Variants in TMEM132D observed in about 807,000 individuals in gnomAD.
TMEM132D encodes transmembrane protein 132D.
Under a neutral mutation model 62.3 loss-of-function variants are expected in TMEM132D, and 21 were observed. That is an observed-to-expected ratio of 0.34 (90% confidence interval 0.24 to 0.49). TMEM132D has a LOEUF of 0.49. TMEM132D is among the 20% of genes least tolerant of loss of function. The pLI, the probability that TMEM132D is intolerant of heterozygous loss-of-function variation, is 0.99. For missense variants in TMEM132D, 1,346 were observed against 1,402.8 expected, an observed-to-expected ratio of 0.96 and a Z score of 0.65; for synonymous variants, 621 against 575.6, an observed-to-expected ratio of 1.08 and a Z score of -1.13.
intron 4 of TMEM132D, among the ~76,000 whole-genome samples, chr12:129,310,594 T>C (rs1881949312): frequency 6.6e-6 from 1 of 152,212 alleles, no homozygotes; most frequent in Non-Finnish European, 1.5e-5. Context: ...ACTGAAATGC[T>C]TTAACAAAGA....
chr12:129,851,386 A>T (rs1213993768), intron 1 of TMEM132D, among the ~76,000 whole-genome samples: 1 of 152,214 alleles, frequency 6.6e-6, no homozygotes, highest in African/African-American at 2.4e-5. Flanking sequence ...CTACTATAAT[A>T]AATATTAAAT....
At chr12:129,200,912 C>T (rs572920792) in intron 5 of TMEM132D, among the ~76,000 whole-genome samples, 19 of 152,364 alleles carry the variant, frequency 1.2e-4, no homozygotes, top group Non-Finnish European at 1.5e-5. Context: ...CGAAATTACA[C>T]TCCTTCTCCT....
chr12:129,839,216 G>A (rs1013194610), intron 1 of TMEM132D, among the ~76,000 whole-genome samples: 4 of 138,520 alleles, frequency 2.9e-5, no homozygotes, highest in East Asian at 2.2e-4. Context: ...CGCAACCTTC[G>A]CCTCCTGGTT....
intron 3 of TMEM132D, among the ~76,000 whole-genome samples, chr12:129,470,246 C>T (rs1356973711): frequency 1.3e-5 from 2 of 152,318 alleles, no homozygotes; most frequent in South Asian, 2.1e-4. Flanking sequence ...ACTTCACAGA[C>T]AATTCCCCTG....
intron 1 of TMEM132D, among the ~76,000 whole-genome samples, chr12:129,712,370 C>T (rs759101172): frequency 2.6e-5 from 4 of 152,248 alleles, no homozygotes; most frequent in Non-Finnish European, 5.9e-5. Flanking sequence ...GTGATCTGCC[C>T]GCCTCAGCCT....
chr12:129,723,431 C>T (rs564954231), intron 1 of TMEM132D, among the ~76,000 whole-genome samples: 1 of 152,326 alleles, frequency 6.6e-6, no homozygotes, highest in South Asian at 2.1e-4. Context: ...GATGCATCAC[C>T]CAGGCCCTTT....
At chr12:129,817,868 A>ATG (rs146582102) in intron 1 of TMEM132D, among the ~76,000 whole-genome samples, 8 of 112,942 alleles carry the variant, frequency 7.1e-5, no homozygotes, top group South Asian at 3.1e-4. Flanking sequence ...TGTGAGGTGT[A>ATG]TGTGTGTGTG....
chr12:129,812,606 G>A (rs536593586), intron 1 of TMEM132D, among the ~76,000 whole-genome samples: 2 of 151,826 alleles, frequency 1.3e-5, no homozygotes, highest in East Asian at 3.9e-4. Flanking sequence ...CAGTCAAACG[G>A]ACAGTGTCTA....
chr12:129,853,251 G>A (rs1255212807), intron 1 of TMEM132D: 1 of 152,260 alleles, frequency 6.6e-6, no homozygotes, highest in African/African-American at 2.4e-5. Context: ...TTTAACTTCA[G>A]AAATCGATGA....
chr12:129,517,693 C>T (rs1875723186), intron 3 of TMEM132D, among the ~76,000 whole-genome samples: 1 of 152,218 alleles, frequency 6.6e-6, no homozygotes, highest in African/African-American at 2.4e-5. Flanking sequence ...ATTCAATCCA[C>T]ATCTTCTCGT....
chr12:129,173,231 A>G (rs1008677596), intron 5 of TMEM132D, among the ~76,000 whole-genome samples: 1 of 152,234 alleles, frequency 6.6e-6, no homozygotes, highest in African/African-American at 2.4e-5. Context: ...CAAATGCAAT[A>G]TCTTGGAAGC....
intron 1 of TMEM132D, among the ~76,000 whole-genome samples, chr12:129,760,323 CTT>C (rs71082753): frequency 4.2e-4 from 49 of 115,498 alleles, no homozygotes; most frequent in African/African-American, 1.7e-3. Context: ...AAGCCACTTT[CTT>C]TTTTTTTTTT....
At chr12:129,797,744 AAG>A (rs1279111625) in intron 1 of TMEM132D, among the ~76,000 whole-genome samples, 2 of 152,176 alleles carry the variant, frequency 1.3e-5, no homozygotes, top group African/African-American at 2.4e-5. Context: ...GATAACCTGG[AAG>A]AGGGCAGGCA....
chr12:129,265,060 T>C (rs1283248613), intron 4 of TMEM132D, among the ~76,000 whole-genome samples: 2 of 151,622 alleles, frequency 1.3e-5, no homozygotes, highest in Non-Finnish European at 2.9e-5. Context: ...CAATAACTTA[T>C]GGAAAAAAAA....
intron 3 of TMEM132D, among the ~76,000 whole-genome samples, chr12:129,519,935 G>A (rs1469653270): frequency 6.6e-6 from 1 of 152,010 alleles, no homozygotes. Context: ...AAGGTATCAA[G>A]GAAACAACCA....
intron 7 of TMEM132D, among the ~76,000 whole-genome samples, chr12:129,080,071 A>T (rs1206902932): frequency 6.6e-6 from 1 of 152,088 alleles, no homozygotes; most frequent in Non-Finnish European, 1.5e-5. Context: ...TATGGTAGGG[A>T]TTCAGGTCTT....
chr12:129,825,017 T>TTC (rs201250774), intron 1 of TMEM132D, among the ~76,000 whole-genome samples: 29,009 of 148,628 alleles, frequency 0.2, 3,324 homozygotes, highest in African/African-American at 0.33. Flanking sequence ...CAGTCTTTTT[T>TTC]TTTTTTTTTT....
chr12:129,394,511 C>G (rs1332609068), intron 3 of TMEM132D, among the ~76,000 whole-genome samples: 1 of 152,140 alleles, frequency 6.6e-6, no homozygotes, highest in Non-Finnish European at 1.5e-5. Context: ...TTCTTAGAAA[C>G]GATTGTGAGG....
intron 4 of TMEM132D, among the ~76,000 whole-genome samples, chr12:129,324,639 G>A (rs2135645697): frequency 6.6e-6 from 1 of 152,200 alleles, no homozygotes; most frequent in South Asian, 2.1e-4. Context: ...GACCAGCCTG[G>A]CTAAGATGGT....
Sources: gnomAD v4.1 joint callset for allele counts (sites outside exome capture counted in the v4.1 genomes callset) on GRCh38, gnomAD v4.1.1 for gene constraint, MANE v1.5 for transcripts, NCBI Gene and HGNC (gene_info 2026-07-23, HGNC 2026-07-21) for gene names.